The following RXFP1 variants were observed in gnomAD, a reference collection of about 807,000 sequenced individuals.
RXFP1 encodes the protein relaxin receptor 1.
A neutral mutation model predicts 89.8 loss-of-function variants in RXFP1; 73 were observed. The observed-to-expected ratio is 0.81, with a 90% CI of 0.67 to 0.99. RXFP1 has a LOEUF of 0.99. Ranked by LOEUF, RXFP1 falls within the 50% of genes least tolerant of loss-of-function variation. RXFP1 has a pLI of 0.00. For synonymous variants in RXFP1, 277 were observed against 305.5 expected, an observed-to-expected ratio of 0.91 and a Z score of 0.97; for missense variants, 793 against 895.5, an observed-to-expected ratio of 0.89 and a Z score of 1.46.
At chr4:158,632,935 G>A (rs996226846) in intron 11 of RXFP1, among the ~76,000 whole-genome samples, 1 of 152,302 alleles carries the variant, frequency 6.6e-6, no homozygotes, top group African/African-American at 2.4e-5. Context: ...ACTTTGGGAG[G>A]CTGAGGCGAT....
chr4:158,525,334 G>A (rs1205379052), intron 1 of RXFP1, among the ~76,000 whole-genome samples: 1 of 151,826 alleles, frequency 6.6e-6, no homozygotes, highest in African/African-American at 2.4e-5. Flanking sequence ...TAACATGCGT[G>A]GTACCAATTA....
At chr4:158,592,527 T>C (rs543449635) in intron 2 of RXFP1, among the ~76,000 whole-genome samples, 5 of 152,128 alleles carry the variant, frequency 3.3e-5, no homozygotes, top group Non-Finnish European at 7.4e-5. Context: ...TGAGCCAAGA[T>C]AGTGCCATTG....
At chr4:158,617,696 C>T (rs1389377448) in intron 9 of RXFP1, among the ~76,000 whole-genome samples, 1 of 151,974 alleles carries the variant, frequency 6.6e-6, no homozygotes, top group Non-Finnish European at 1.5e-5. Context: ...TATCACTCCA[C>T]CATTTAGAAC....
intron 9 of RXFP1, among the ~76,000 whole-genome samples, chr4:158,626,115 G>T (rs1483079889): frequency 8.6e-5 from 2 of 23,386 alleles, no homozygotes; most frequent in Non-Finnish European, 2.9e-4. Context: ...TATCTATATA[G>T]ATAGATAGAT....
chr4:158,652,607 T>C lies in RXFP1; in HGVS notation c.*552T>C, dbSNP rs1360167924. ...CTGTTTTAAGAATCCATCTTACCTC[T>C]CTTTAAGTTTCCATACACTTGAGAG... is the stretch of plus-strand genomic sequence containing the variant. On this transcript the variant is annotated 3_prime_UTR_variant, in exon 18 of 18. Transcript: ENST00000307765. 4 of 152,230 alleles carry C rather than the reference T, an allele frequency of 2.6e-5. No homozygotes were observed. Among genetic ancestry groups the C allele is most frequent in the African/African-American group, 9.6e-5 (4 of 41,460 alleles). The allele number at this position is 152,230 out of a possible 1,614,324, so 9.4% of individuals were successfully genotyped here. A position where few individuals can be genotyped will look rare whatever the true frequency, so the allele number is the denominator to read the frequency against.
chr4:158,548,653 C>CA (rs1253523730), intron 1 of RXFP1, among the ~76,000 whole-genome samples: 1 of 152,128 alleles, frequency 6.6e-6, no homozygotes, highest in Non-Finnish European at 1.5e-5. Context: ...CTGGTGGTGA[C>CA]AAAATCTCTC....
At position 158,638,737 on chromosome 4, in the gene RXFP1, T is replaced by C. The variant is rs147707904; in HGVS notation, c.1044-523T>C. Reference sequence around the variant, plus strand: ...GGCTGAGGTGGGAACATTGCTTGAGTTGGGAGGTTGAGGCTGCAGTAAGCC... The same window carrying C: ...GGCTGAGGTGGGAACATTGCTTGAGCTGGGAGGTTGAGGCTGCAGTAAGCC... On this transcript the variant is annotated intron_variant, in intron 13 of 17. Coordinates refer to ENST00000307765, the MANE Select transcript of RXFP1 (RefSeq NM_021634.4). Among the ~76,000 whole-genome samples, 140 of 151,122 alleles carry C rather than the reference T, an allele frequency of 9.3e-4. 1 individual carries two copies. Among genetic ancestry groups the C allele is most frequent in the African/African-American group, 3.3e-3 (136 of 41,126 alleles).
chr4:158,647,131 A>G lies in RXFP1; in HGVS notation c.1686A>G (p.Val562=). The change falls in exon 16 of 18, where the codon GTA becomes GTG. Residue 562 remains valine (V), a synonymous_variant. Coordinates refer to ENST00000307765, the MANE Select transcript of RXFP1 (RefSeq NM_021634.4). Reference sequence around the variant, plus strand: ...AAAACTACTATGGCACCAATGGAGTATGCTTCCCTCTTCATTCAGAAGATA... The same window carrying G: ...AAAACTACTATGGCACCAATGGAGTGTGCTTCCCTCTTCATTCAGAAGATA... The part of the protein sequence containing the change: ...FFKNYYGTNG[V]CFPLHSEDTE... The G allele has an allele frequency of 1.2e-6, 2 of 1,613,802 alleles. No individual in the cohort carries two copies. Among genetic ancestry groups the G allele is most frequent in the Non-Finnish European group, 1.7e-6 (2 of 1,179,872 alleles).
chr4:158,642,788 G>A (rs1393786188), intron 14 of RXFP1, among the ~76,000 whole-genome samples: 5 of 152,118 alleles, frequency 3.3e-5, no homozygotes, highest in South Asian at 2.1e-4. Context: ...TCACGCCAAG[G>A]AAATTAAGGA....
chr4:158,593,389 T>C lies in RXFP1; in HGVS notation c.188-12T>C. On this transcript the variant is annotated splice_polypyrimidine_tract_variant and intron_variant, in intron 2 of 17. Transcript: ENST00000307765. ...TTCCTTGAACTTTTTTGTTCTCTGA[T>C]TTTTATTTTAGGAGACAACAATGGA... 6 of 1,581,728 alleles carry C rather than the reference T, an allele frequency of 3.8e-6. No homozygotes were observed. The highest frequency in any genetic ancestry group is 5.2e-6 in the Non-Finnish European group (6 of 1,153,812).
chr4:158,651,194 G>A (rs1772653257), intron 17 of RXFP1, among the ~76,000 whole-genome samples: 1 of 152,052 alleles, frequency 6.6e-6, no homozygotes, highest in African/African-American at 2.4e-5. Flanking sequence ...GAGTATTTTG[G>A]TATTTCTATA....
intron 4 of RXFP1, among the ~76,000 whole-genome samples, chr4:158,603,657 C>T (rs1404191248): frequency 2.0e-5 from 3 of 151,586 alleles, no homozygotes; most frequent in South Asian, 2.1e-4. Context: ...TTTCGGAGGC[C>T]GAGGCAGGTG....
intron 1 of RXFP1, among the ~76,000 whole-genome samples, chr4:158,571,444 A>G (rs2149992894): frequency 6.6e-6 from 1 of 152,318 alleles, no homozygotes; most frequent in Non-Finnish European, 1.5e-5. Flanking sequence ...AGATGGGCGG[A>G]TCACCTGAGG....
chr4:158,633,378 A>G, intron 11 of RXFP1, 27 bp from the exon 12 acceptor site: 1 of 1,379,384 alleles, frequency 7.2e-7, no homozygotes, highest in Non-Finnish European at 1.0e-6. Context: ...AGAAAATAAT[A>G]TCACATATTT....
At chr4:158,544,910 A>T (rs889641558) in intron 1 of RXFP1, among the ~76,000 whole-genome samples, 1 of 152,130 alleles carries the variant, frequency 6.6e-6, no homozygotes, top group African/African-American at 2.4e-5. Flanking sequence ...ATAAACATAC[A>T]TGTGCATGTG....
intron 11 of RXFP1, among the ~76,000 whole-genome samples, chr4:158,630,669 T>G (rs1019790736): frequency 2.6e-5 from 4 of 152,194 alleles, no homozygotes; most frequent in Admixed American, 1.3e-4. Flanking sequence ...CCAAGGCCAA[T>G]AATTTGTCTT....
At chr4:158,552,867 T>C (rs1750465515) in intron 1 of RXFP1, among the ~76,000 whole-genome samples, 1 of 152,068 alleles carries the variant, frequency 6.6e-6, no homozygotes, top group Non-Finnish European at 1.5e-5. Flanking sequence ...TTCCAAAACT[T>C]CAAAAGTAAA....
rs114767568 is a variant in RXFP1, at chr4:158,567,998, C to G, written c.50-4700C>G. On this transcript the variant is annotated intron_variant, in intron 1 of 17. Transcript: ENST00000307765. Reference sequence around the variant, plus strand: ...CTTTTATGAGATGTAACACTCACCTCTAAGGTATAAAGCTTCACTCCTGAA... The same window carrying G: ...CTTTTATGAGATGTAACACTCACCTGTAAGGTATAAAGCTTCACTCCTGAA... Among the ~76,000 whole-genome samples, 1,178 of 152,320 alleles carry G rather than the reference C, an allele frequency of 7.7e-3. 13 individuals are homozygous for G. The highest frequency in any genetic ancestry group is 0.027 in the Middle Eastern group (8 of 294).
At chr4:158,624,415 T>C (rs561663598) in intron 9 of RXFP1, among the ~76,000 whole-genome samples, 3 of 152,180 alleles carry the variant, frequency 2.0e-5, no homozygotes, top group African/African-American at 7.2e-5. Flanking sequence ...TGAGGGAGAA[T>C]AGACAAGATT....
Sources: gnomAD v4.1 joint callset for allele counts (sites outside exome capture counted in the v4.1 genomes callset) on GRCh38, gnomAD v4.1.1 for gene constraint, MANE v1.5 for transcripts, NCBI Gene and HGNC (gene_info 2026-07-23, HGNC 2026-07-21) for gene names.